C3orf70: variants seen among roughly 807,000 people sequenced by gnomAD.
The protein encoded by C3orf70 is chromosome 3 open reading frame 70.
A neutral mutation model predicts 20.7 loss-of-function variants in C3orf70; 15 were observed. The ratio of observed to expected loss-of-function variants is 0.72; its 90% confidence interval spans 0.48 to 1.11. The LOEUF (loss-of-function observed/expected upper bound fraction) is 1.11, where lower values mean the gene tolerates loss of function less well. C3orf70 is among the 50% of genes most tolerant of loss of function. C3orf70 has a pLI of 0.00. For missense variants in C3orf70, 332 were observed against 317.6 expected (o/e 1.05, Z -0.34); for synonymous variants, 161 against 125.7 (o/e 1.28, Z -1.88).
intron 1 of C3orf70, among the ~76,000 whole-genome samples, chr3:185,093,988 T>C (rs568518954): frequency 2.6e-5 from 4 of 151,924 alleles, no homozygotes; most frequent in Non-Finnish European, 5.9e-5. Flanking sequence ...ATATAACCTA[T>C]GCACATCCTT....
Position 185,152,796 on chromosome 3 carries a change from C to A in C3orf70, c.28G>T (p.Glu10Ter). ...AGTTTCTCGCTCTTCCAACCCCGCT[C>A]CGACGCCGGCGAGGCCGCCGCACTC... MSAAASPAS[E>*]RGWKSEKLDE... Residue 10 changes from glutamate to a stop codon, truncating the protein, a stop_gained, in exon 1 of 2, where the codon GAG (glutamate) becomes TAG (stop). Transcript: ENST00000335012. LOFTEE classifies it high-confidence loss of function. The A allele has an allele frequency of 1.9e-6, 3 of 1,567,402 alleles. No individual in the cohort carries two copies. The highest frequency in any genetic ancestry group is 2.6e-6 in the Non-Finnish European group (3 of 1,155,316).
At chr3:185,127,686 C>T (rs926388506) in intron 1 of C3orf70, among the ~76,000 whole-genome samples, 3 of 151,912 alleles carry the variant, frequency 2.0e-5, no homozygotes, top group Admixed American at 6.6e-5. Flanking sequence ...GTGATCCATC[C>T]GCCTCAGCCT....
At chr3:185,129,539 C>T (rs991310132) in intron 1 of C3orf70, among the ~76,000 whole-genome samples, 5 of 152,196 alleles carry the variant, frequency 3.3e-5, no homozygotes, top group African/African-American at 1.2e-4. Context: ...GGTGATCACA[C>T]GAGTGCATAT....
intron 1 of C3orf70, among the ~76,000 whole-genome samples, chr3:185,096,541 T>A (rs1263185322): frequency 6.6e-6 from 1 of 152,198 alleles, no homozygotes; most frequent in Admixed American, 6.5e-5. Flanking sequence ...ATATATGCTC[T>A]GCCGTAATGG....
chr3:185,152,085 C>A (rs541498060), intron 1 of C3orf70, among the ~76,000 whole-genome samples: 16 of 152,218 alleles, frequency 1.1e-4, no homozygotes, highest in Non-Finnish European at 2.4e-4. Context: ...TTCTTGGAAG[C>A]AATCCCTCCC....
chr3:185,125,096 T>G (rs1460199210), intron 1 of C3orf70, among the ~76,000 whole-genome samples: 4 of 152,076 alleles, frequency 2.6e-5, no homozygotes, highest in Non-Finnish European at 5.9e-5. Context: ...GAAAAACAGT[T>G]TGGCCGGGCG....
In C3orf70 at chr3:185,152,531, G is replaced by T. The variant is rs1717012215; in HGVS notation, c.196+97C>A. On this transcript the variant is annotated intron_variant, in intron 1 of 1. Coordinates refer to ENST00000335012, the MANE Select transcript of C3orf70 (RefSeq NM_001025266.3). ...GGCAGAGCAGCCCCGGCAGAGCCCG[G>T]AGCCCCGCGGCCGCAGAGTTCCGGC... 4 of 1,132,698 alleles carry T rather than the reference G, an allele frequency of 3.5e-6. No homozygotes were observed. In the East Asian group the frequency reaches 1.3e-4, roughly 37 times the overall value. The allele number at this position is 1,132,698 out of a possible 1,614,324, so 70.2% of individuals were successfully genotyped here.
Position 185,079,886 on chromosome 3 carries a change from T to C in C3orf70, c.*3121A>G, listed in dbSNP as rs144944142. The C allele has an allele frequency of 9.2e-4, 141 of 152,786 alleles. No homozygotes were observed. Among genetic ancestry groups the C allele is most frequent in the African/African-American group, 3.1e-3 (131 of 41,588 alleles). The allele number at this position is 152,786 out of a possible 1,614,324, so 9.5% of individuals were successfully genotyped here. ...CACTTCATGTGACTGAGTTCAATGT[T>C]ATAGTGCATGTTGCAGTCTAAACAT... On this transcript the variant is annotated 3_prime_UTR_variant, in exon 2 of 2. Coordinates refer to ENST00000335012, the MANE Select transcript of C3orf70 (RefSeq NM_001025266.3).
chr3:185,139,792 T>C (rs1314866131), intron 1 of C3orf70, among the ~76,000 whole-genome samples: 2 of 152,134 alleles, frequency 1.3e-5, no homozygotes, highest in African/African-American at 2.4e-5. Context: ...AAGAAGTGAA[T>C]TGTGATCTAA....
At chr3:185,090,098 C>G (rs1332983465) in intron 1 of C3orf70, among the ~76,000 whole-genome samples, 1 of 152,140 alleles carries the variant, frequency 6.6e-6, no homozygotes, top group Non-Finnish European at 1.5e-5. Context: ...ATTCTTTCCT[C>G]AGGAAGATAC....
intron 1 of C3orf70, among the ~76,000 whole-genome samples, chr3:185,096,524 G>A (rs1715709203): frequency 6.6e-6 from 1 of 152,110 alleles, no homozygotes. Context: ...TCCAAATTTT[G>A]CCTTCCATAT....
intron 1 of C3orf70, among the ~76,000 whole-genome samples, chr3:185,120,743 T>TGGATGC (rs1716280082): frequency 6.8e-6 from 1 of 147,658 alleles, no homozygotes. Flanking sequence ...GATGTTGGCA[T>TGGATGC]GGATGCGGTG....
chr3:185,115,194 G>C (rs114283644), intron 1 of C3orf70, among the ~76,000 whole-genome samples: 1,715 of 152,178 alleles, frequency 0.011, 35 homozygotes, highest in African/African-American at 0.039. Flanking sequence ...GTACAACCAA[G>C]ACTGAGAGCC....
chr3:185,138,259 AAAC>A (rs907917846), intron 1 of C3orf70, among the ~76,000 whole-genome samples: 5 of 152,230 alleles, frequency 3.3e-5, no homozygotes, highest in South Asian at 2.1e-4. Context: ...TTAAACTCAA[AAAC>A]AACAACAACA....
chr3:185,151,714 A>G (rs1716993116), intron 1 of C3orf70, among the ~76,000 whole-genome samples: 1 of 152,214 alleles, frequency 6.6e-6, no homozygotes, highest in Non-Finnish European at 1.5e-5. Context: ...ATCACTTGGA[A>G]AATGTCCTAA....
intron 1 of C3orf70, among the ~76,000 whole-genome samples, chr3:185,096,736 G>C (rs1296216892): frequency 6.6e-6 from 1 of 152,142 alleles, no homozygotes; most frequent in Non-Finnish European, 1.5e-5. Flanking sequence ...GCTTGGCCTA[G>C]TGATAACCTC....
chr3:185,086,766 T>A (rs1715466679), intron 1 of C3orf70, among the ~76,000 whole-genome samples: 1 of 152,048 alleles, frequency 6.6e-6, no homozygotes, highest in African/African-American at 2.4e-5. Context: ...AGAGCGAGGG[T>A]GAGAGCCTAT....
chr3:185,080,052 G>A lies in C3orf70; in HGVS notation c.*2955C>T, dbSNP rs1283355887. ...GTTGGTTTTGGAATGCAAGCATAAAGAAACAATTCCAGTTCAATAACATAT... is the reference window on the plus strand; with the variant it reads ...GTTGGTTTTGGAATGCAAGCATAAAAAAACAATTCCAGTTCAATAACATAT... On this transcript the variant is annotated 3_prime_UTR_variant, in exon 2 of 2. Transcript: ENST00000335012. 6.6e-6 allele frequency: 1 copy of A among 152,624 alleles called. No individual in the cohort carries two copies. Among genetic ancestry groups the A allele is most frequent in the Non-Finnish European group, 1.5e-5 (1 of 68,026 alleles). The allele number at this position is 152,624 out of a possible 1,614,324, so 9.5% of individuals were successfully genotyped here.
At chr3:185,139,814 TA>T (rs956669505) in intron 1 of C3orf70, among the ~76,000 whole-genome samples, 41 of 152,222 alleles carry the variant, frequency 2.7e-4, no homozygotes, top group African/African-American at 9.1e-4. Context: ...CCACACCTTA[TA>T]AAAAATTACT....
Sources: allele counts gnomAD v4.1 joint callset (sites outside exome capture counted in the v4.1 genomes callset), GRCh38; gene constraint gnomAD v4.1.1; transcripts MANE v1.5; gene names NCBI Gene and HGNC (gene_info 2026-07-23, HGNC 2026-07-21).